Variants in ASAP1 observed in about 807,000 individuals in gnomAD.
ASAP1 encodes the protein arf-GAP with SH3 domain, ANK repeat and PH domain-containing protein 1.
A neutral mutation model predicts 145.2 loss-of-function variants in ASAP1; 43 were observed. The observed-to-expected ratio is 0.30, with a 90% CI of 0.23 to 0.38. ASAP1 has a LOEUF of 0.38. ASAP1 is among the 10% of genes least tolerant of loss of function. The probability of loss-of-function intolerance (pLI) is 1.00; values close to 1 mark genes in which losing one functional copy is unlikely to be tolerated. For synonymous variants in ASAP1, 546 were observed against 515.5 expected (o/e 1.06, Z -0.80); for missense variants, 1,018 against 1,355.3 (o/e 0.75, Z 3.91).
intron 29 of ASAP1, among the ~76,000 whole-genome samples, chr8:130,055,096 T>C (rs2097400843): frequency 1.3e-5 from 2 of 152,112 alleles, no homozygotes; most frequent in Non-Finnish European, 2.9e-5. Flanking sequence ...CAATCTTCAT[T>C]TTACAGATGA....
At chr8:130,174,843 T>G (rs1813844944) in intron 9 of ASAP1, among the ~76,000 whole-genome samples, 1 of 152,244 alleles carries the variant, frequency 6.6e-6, no homozygotes, top group South Asian at 2.1e-4. Flanking sequence ...CATTCAGCAT[T>G]GTGGCTGAAC....
Position 130,112,176 on chromosome 8 carries a change from C to T in ASAP1, c.2319G>A (p.Gln773=), listed in dbSNP as rs149904556. The change falls in exon 24 of 30, where the codon CAG becomes CAA. Residue 773 remains glutamine, a synonymous_variant. Transcript: ENST00000518721. ...QRLSYGAFTN[Q]IFVSTSTDSP... The stretch of plus-strand genomic sequence containing the variant: ...AGTCTGTGCTTGTGGAAACGAAGAT[C>T]TGGTTGGTGAAGGCTCCATAGGAGA... The T allele has an allele frequency of 3.7e-6, 6 of 1,613,982 alleles. No homozygotes were observed. In the African/African-American group the frequency reaches 8.0e-5, roughly 22 times the overall value.
At chr8:130,101,317 G>A (rs1243042092) in intron 24 of ASAP1, among the ~76,000 whole-genome samples, 3 of 152,102 alleles carry the variant, frequency 2.0e-5, no homozygotes, top group Non-Finnish European at 2.9e-5. Flanking sequence ...TTTCTATGAG[G>A]AATGTCATTA....
At chr8:130,091,116 C>A (rs772754284) in intron 25 of ASAP1, among the ~76,000 whole-genome samples, 53 of 152,312 alleles carry the variant, frequency 3.5e-4, no homozygotes, top group Non-Finnish European at 5.9e-4. Flanking sequence ...AAATGATTAA[C>A]AAGCTGACTC....
At chr8:130,090,255 A>G in intron 25 of ASAP1, among the ~76,000 whole-genome samples, 1 of 147,454 alleles carries the variant, frequency 6.8e-6, no homozygotes, top group Non-Finnish European at 1.5e-5. Context: ...AGGCACTTCA[A>G]ACCTTAAGAA....
chr8:130,228,783 A>G (rs1817737825), intron 4 of ASAP1, among the ~76,000 whole-genome samples: 1 of 151,298 alleles, frequency 6.6e-6, no homozygotes, highest in African/African-American at 2.4e-5. Flanking sequence ...AAACAATGGG[A>G]AAAAACCTTT....
chr8:130,145,498 T>C (rs189001956), intron 13 of ASAP1, among the ~76,000 whole-genome samples: 137 of 152,228 alleles, frequency 9.0e-4, no homozygotes, highest in African/African-American at 2.9e-3. Flanking sequence ...TCTGTATTTT[T>C]AGTAGAGACG....
intron 3 of ASAP1, among the ~76,000 whole-genome samples, chr8:130,281,654 G>A (rs765101946): frequency 6.6e-6 from 1 of 152,190 alleles, no homozygotes; most frequent in South Asian, 2.1e-4. Context: ...TCTATATGGT[G>A]ATATGTGGGG....
At chr8:130,366,475 AT>A (rs1826954762) in intron 2 of ASAP1, among the ~76,000 whole-genome samples, 1 of 152,112 alleles carries the variant, frequency 6.6e-6, no homozygotes, top group Non-Finnish European at 1.5e-5. Flanking sequence ...TCCCTTGGTC[AT>A]TTTCAGAGAT....
intron 5 of ASAP1, among the ~76,000 whole-genome samples, chr8:130,213,192 A>C (rs1816690672): frequency 6.6e-6 from 1 of 152,254 alleles, no homozygotes; most frequent in African/African-American, 2.4e-5. Context: ...TTAGAGCCAA[A>C]GTTCAAAATT....
chr8:130,300,153 C>CACAGAGAGAG (rs1196584279), intron 3 of ASAP1, among the ~76,000 whole-genome samples: 151 of 76,910 alleles, frequency 2.0e-3, no homozygotes, highest in East Asian at 9.8e-3. Context: ...CACACACACA[C>CACAGAGAGAG]AGAGAGAGAG....
chr8:130,218,453 A>G (rs1817070139), intron 4 of ASAP1, among the ~76,000 whole-genome samples: 2 of 152,118 alleles, frequency 1.3e-5, no homozygotes, highest in South Asian at 4.1e-4. Context: ...CCTCTACCCA[A>G]TTCCGATCTC....
At chr8:130,187,410 A>G in intron 6 of ASAP1, 125 bp from the exon 7 acceptor site, 1 of 747,018 alleles carries the variant, frequency 1.3e-6, no homozygotes, top group East Asian at 2.8e-5. Context: ...CACTTTATGC[A>G]CGTTACACCA....
At chr8:130,250,659 C>T (rs528299368) in intron 3 of ASAP1, among the ~76,000 whole-genome samples, 94 of 151,834 alleles carry the variant, frequency 6.2e-4, no homozygotes, top group Non-Finnish European at 1.1e-3. Context: ...GAGAGAAAGA[C>T]CTAATTTGGC....
chr8:130,289,849 T>C (rs916503552), intron 3 of ASAP1, among the ~76,000 whole-genome samples: 4 of 152,230 alleles, frequency 2.6e-5, no homozygotes, highest in Admixed American at 1.3e-4. Flanking sequence ...AGTGTAGAAC[T>C]CCATTATCAG....
At chr8:130,395,683 T>C (rs1339780806) in intron 2 of ASAP1, among the ~76,000 whole-genome samples, 1 of 151,792 alleles carries the variant, frequency 6.6e-6, no homozygotes, top group Non-Finnish European at 1.5e-5. Context: ...CTTTTTTTTT[T>C]TGAGACAGAG....
At chr8:130,100,199 T>C (rs1345393443) in intron 24 of ASAP1, among the ~76,000 whole-genome samples, 2 of 152,262 alleles carry the variant, frequency 1.3e-5, no homozygotes, top group African/African-American at 4.8e-5. Context: ...TTTTTGATGA[T>C]AGCCATTTTA....
intron 3 of ASAP1, among the ~76,000 whole-genome samples, chr8:130,299,840 T>G (rs1443907935): frequency 6.6e-6 from 1 of 152,032 alleles, no homozygotes; most frequent in Non-Finnish European, 1.5e-5. Context: ...AGATCAGAAA[T>G]AATGTGCTTC....
chr8:130,255,493 A>G (rs987889490), intron 3 of ASAP1, among the ~76,000 whole-genome samples: 23 of 152,188 alleles, frequency 1.5e-4, no homozygotes, highest in African/African-American at 5.1e-4. Context: ...CTACTTCAGC[A>G]GTTGCATAGC....
Sources: allele counts gnomAD v4.1 joint callset (sites outside exome capture counted in the v4.1 genomes callset), GRCh38; gene constraint gnomAD v4.1.1; transcripts MANE v1.5; gene names NCBI Gene and HGNC (gene_info 2026-07-23, HGNC 2026-07-21).